TRDN: variants seen among roughly 807,000 people sequenced by gnomAD.
TRDN encodes triadin, also known as triadin in skeletal muscle.
A neutral mutation model predicts 149.7 loss-of-function variants in TRDN; 161 were observed. The ratio of observed to expected loss-of-function variants is 1.08; its 90% CI spans 0.95 to 1.23. The LOEUF (loss-of-function observed/expected upper bound fraction) is 1.23. TRDN is among the 50% of genes most tolerant of loss of function. The pLI is 0.00. For missense variants in TRDN, 896 were observed against 823.5 expected, an observed-to-expected ratio of 1.09 and a Z score of -1.08; for synonymous variants, 294 against 250.5, an observed-to-expected ratio of 1.17 and a Z score of -1.64.
chr6:123,297,462 A>T (rs936654111), intron 24 of TRDN, among the ~76,000 whole-genome samples: 1 of 151,988 alleles, frequency 6.6e-6, no homozygotes, highest in African/African-American at 2.4e-5. Context: ...CAGAAACACT[A>T]CTTCGAAGTT....
At chr6:123,537,782 A>G (rs938833096) in intron 4 of TRDN, among the ~76,000 whole-genome samples, 4 of 152,206 alleles carry the variant, frequency 2.6e-5, no homozygotes, top group Non-Finnish European at 4.4e-5. Context: ...AATAGATTGT[A>G]TCAGTGATTC....
chr6:123,630,949 T>C (rs554661008), intron 1 of TRDN, among the ~76,000 whole-genome samples: 1 of 152,086 alleles, frequency 6.6e-6, no homozygotes, highest in East Asian at 1.9e-4. Context: ...CCAAGAGTGG[T>C]TGAGTAGTGG....
chr6:123,393,821 A>G (rs944995933), intron 12 of TRDN, 144 bp from the exon 13 acceptor site: 7 of 677,560 alleles, frequency 1.0e-5, no homozygotes, highest in Non-Finnish European at 1.7e-5. Flanking sequence ...ACATAAACTT[A>G]TTAGAGGAAT....
intron 1 of TRDN, among the ~76,000 whole-genome samples, chr6:123,631,548 A>G (rs1317021713): frequency 6.6e-6 from 1 of 152,076 alleles, no homozygotes; most frequent in African/African-American, 2.4e-5. Context: ...TAATATGAGC[A>G]TATTTGGTTT....
intron 13 of TRDN, 25 bp downstream of exon 13, chr6:123,393,599 C>T (rs1046155489): frequency 1.9e-6 from 3 of 1,578,484 alleles, no homozygotes; most frequent in Non-Finnish European, 1.7e-6. Flanking sequence ...AAAGGCAATG[C>T]TTTTTAAAGT....
intron 9 of TRDN, among the ~76,000 whole-genome samples, chr6:123,473,745 C>G (rs1777314999): frequency 6.6e-6 from 1 of 152,036 alleles, no homozygotes; most frequent in African/African-American, 2.4e-5. Context: ...CAGCGGATCT[C>G]TCGGCAGAAA....
chr6:123,529,461 C>T (rs1312422082), intron 5 of TRDN: 1 of 1,059,038 alleles, frequency 9.4e-7, no homozygotes, highest in East Asian at 2.6e-5. Context: ...GGATTAAAGA[C>T]ATAATATCTG....
chr6:123,503,657 C>T, intron 8 of TRDN, 62 bp downstream of exon 8: 1 of 1,605,570 alleles, frequency 6.2e-7, no homozygotes, highest in Non-Finnish European at 8.5e-7. Context: ...AATTTCACTG[C>T]ATGTGCTTCT....
At chr6:123,351,720 A>G in intron 21 of TRDN, 4 of 928,158 alleles carry the variant, frequency 4.3e-6, no homozygotes, top group South Asian at 5.0e-5. Flanking sequence ...ATTTAATTGC[A>G]TCTCAAATTT....
intron 14 of TRDN, among the ~76,000 whole-genome samples, chr6:123,387,234 A>G (rs556474166): frequency 7.4e-4 from 112 of 152,254 alleles, no homozygotes; most frequent in Non-Finnish European, 1.3e-3. Context: ...AAACTCCCAA[A>G]CAGCTTTTAT....
chr6:123,288,187 A>G (rs1777868420), intron 24 of TRDN, among the ~76,000 whole-genome samples: 1 of 152,136 alleles, frequency 6.6e-6, no homozygotes, highest in Non-Finnish European at 1.5e-5. Flanking sequence ...CTGGATATTC[A>G]CATGCAGAGA....
At chr6:123,339,211 G>A (rs2114740769) in intron 21 of TRDN, among the ~76,000 whole-genome samples, 1 of 152,110 alleles carries the variant, frequency 6.6e-6, no homozygotes, top group Non-Finnish European at 1.5e-5. Context: ...CACCATACTA[G>A]CCAGGCTGGT....
At chr6:123,374,145 T>A (rs1241864726) in intron 19 of TRDN, among the ~76,000 whole-genome samples, 1 of 152,166 alleles carries the variant, frequency 6.6e-6, no homozygotes, top group African/African-American at 2.4e-5. Flanking sequence ...TTATGAAACT[T>A]ATATTGTGTT....
chr6:123,618,754 C>A (rs1785231187), intron 1 of TRDN, among the ~76,000 whole-genome samples: 1 of 152,204 alleles, frequency 6.6e-6, no homozygotes, highest in Non-Finnish European at 1.5e-5. Context: ...TTAAAAAATG[C>A]CCATTCACAT....
At chr6:123,234,034 AT>A (rs1227285873) in intron 38 of TRDN, among the ~76,000 whole-genome samples, 6 of 152,064 alleles carry the variant, frequency 3.9e-5, no homozygotes. Flanking sequence ...ATTATTCAAA[AT>A]TTAAAAATAA....
chr6:123,489,963 A>G (rs1309305870), intron 9 of TRDN, among the ~76,000 whole-genome samples: 1 of 152,026 alleles, frequency 6.6e-6, no homozygotes, highest in Admixed American at 6.6e-5. Context: ...TTTTCCATCC[A>G]TAACTTCAAA....
chr6:123,597,520 A>C (rs774555086), intron 1 of TRDN, among the ~76,000 whole-genome samples: 7 of 152,092 alleles, frequency 4.6e-5, no homozygotes, highest in Non-Finnish European at 8.8e-5. Flanking sequence ...TGTGAGTAAA[A>C]TGCTATCAAA....
chr6:123,351,347 T>G, intron 21 of TRDN: 1 of 975,298 alleles, frequency 1.0e-6, no homozygotes, highest in Non-Finnish European at 1.2e-6. Context: ...CTTTATTTTT[T>G]AAAAAAATAA....
intron 23 of TRDN, among the ~76,000 whole-genome samples, chr6:123,330,237 T>G (rs1384560596): frequency 1.3e-5 from 2 of 152,112 alleles, no homozygotes; most frequent in East Asian, 3.9e-4. Flanking sequence ...AGCATCATTG[T>G]GTGATTAAAT....
Sources: allele counts gnomAD v4.1 joint callset (sites outside exome capture counted in the v4.1 genomes callset), GRCh38; gene constraint gnomAD v4.1.1; transcripts MANE v1.5; gene names NCBI Gene and HGNC (gene_info 2026-07-23, HGNC 2026-07-21).